Variants in KIT observed in about 807,000 individuals in gnomAD.
KIT encodes the protein mast/stem cell growth factor receptor Kit.
Under a neutral mutation model 105.7 loss-of-function variants are expected in KIT, and 16 were observed. The ratio of observed to expected loss-of-function variants is 0.15; its 90% CI spans 0.10 to 0.23. The LOEUF is 0.23. Ranked by LOEUF, KIT falls within the 10% of genes least tolerant of loss-of-function variation. The pLI is 1.00. For synonymous variants in KIT, 438 were observed against 441.1 expected, an observed-to-expected ratio of 0.99 and a Z score of 0.09; for missense variants, 858 against 1,213.8, an observed-to-expected ratio of 0.71 and a Z score of 4.36.
At chr4:54,674,315 A>G (rs1362397579) in intron 1 of KIT, among the ~76,000 whole-genome samples, 1 of 152,208 alleles carries the variant, frequency 6.6e-6, no homozygotes, top group Non-Finnish European at 1.5e-5. Context: ...TTGGACATAC[A>G]GGTGGCACAG....
intron 1 of KIT, among the ~76,000 whole-genome samples, chr4:54,664,497 T>A (rs1409038332): frequency 6.6e-6 from 1 of 152,192 alleles, no homozygotes; most frequent in African/African-American, 2.4e-5. Flanking sequence ...TCCAATAGTC[T>A]GACGAAGCGA....
At chr4:54,719,165 T>C (rs147459824) in intron 7 of KIT, among the ~76,000 whole-genome samples, 1 of 152,282 alleles carries the variant, frequency 6.6e-6, no homozygotes, top group Non-Finnish European at 1.5e-5. Flanking sequence ...GATTATAAAA[T>C]ATGGGCAAAT....
At chr4:54,693,650 T>G (rs1233975668) in intron 1 of KIT, among the ~76,000 whole-genome samples, 1 of 151,790 alleles carries the variant, frequency 6.6e-6, no homozygotes, top group Non-Finnish European at 1.5e-5. Flanking sequence ...CCTGAACTTG[T>G]GTGGCTCACT....
intron 6 of KIT, among the ~76,000 whole-genome samples, chr4:54,707,712 C>T (rs917014145): frequency 2.6e-5 from 4 of 152,172 alleles, no homozygotes; most frequent in Non-Finnish European, 5.9e-5. Context: ...TACACTAGAC[C>T]TCTCATTTGA....
At chr4:54,726,422 A>C (rs1722218261) in intron 9 of KIT, among the ~76,000 whole-genome samples, 1 of 152,244 alleles carries the variant, frequency 6.6e-6, no homozygotes, top group Non-Finnish European at 1.5e-5. Flanking sequence ...ATTTAAAATG[A>C]ATTATTTTAA....
In KIT at chr4:54,729,336, G is replaced by A. The variant is rs2109785840; in HGVS notation, c.1992G>A (p.Gly664=). Residue 664 remains glycine, a splice_region_variant and synonymous_variant, in exon 14 of 21, where the codon GGG becomes GGA. Coordinates refer to ENST00000288135, the MANE Select transcript of KIT (RefSeq NM_000222.3). ...TAACCTTTTCTTATGTGCTTTTAGG[G>A]CCCACCCTGGTCATTACAGAATATT... ...VNLLGACTIG[G]PTLVITEYCC... 6.2e-7 allele frequency: 1 copy of A among 1,613,332 alleles called. No homozygotes were observed. Among genetic ancestry groups the A allele is most frequent in the Non-Finnish European group, 8.5e-7 (1 of 1,179,638 alleles).
chr4:54,729,471 A>G lies in KIT; in HGVS notation c.2127A>G (p.Ser709=), dbSNP rs1367360445. 1.9e-6 allele frequency: 3 copies of G among 1,613,452 alleles called. No homozygotes were observed. The highest frequency in any genetic ancestry group is 2.2e-5 in the East Asian group (1 of 44,832). The part of the protein sequence containing the change: ...EAALYKNLLH[S]KESSCSDSTN... ...CACTTTATAAGAATCTTCTGCATTC[A>G]AAGGAGTCTTCCTGGTAAGACTGAT... The change falls in exon 14 of 21, where the codon TCA becomes TCG. Residue 709 remains serine (S), a synonymous_variant. Coordinates refer to ENST00000288135, the MANE Select transcript of KIT (RefSeq NM_000222.3).
intron 1 of KIT, among the ~76,000 whole-genome samples, chr4:54,678,897 T>C (rs1340829124): frequency 6.6e-6 from 1 of 152,208 alleles, no homozygotes; most frequent in Non-Finnish European, 1.5e-5. Context: ...TATATACATA[T>C]TTTTTTCTGA....
intron 4 of KIT, among the ~76,000 whole-genome samples, chr4:54,700,462 A>G (rs1720385642): frequency 6.6e-6 from 1 of 152,224 alleles, no homozygotes; most frequent in African/African-American, 2.4e-5. Flanking sequence ...AATTTTAGCT[A>G]GTTACTGAAA....
chr4:54,694,373 A>C (rs1036701957), intron 1 of KIT, among the ~76,000 whole-genome samples: 1 of 152,072 alleles, frequency 6.6e-6, no homozygotes. Flanking sequence ...TTTTAGAGAG[A>C]CAGAGTCTTA....
chr4:54,696,401 G>C (rs1308001328), intron 2 of KIT, among the ~76,000 whole-genome samples: 1 of 152,182 alleles, frequency 6.6e-6, no homozygotes, highest in Non-Finnish European at 1.5e-5. Context: ...CTTTTCAAGA[G>C]TAAGCATGCT....
At position 54,698,418 on chromosome 4, in the gene KIT, A is replaced by G. The variant is rs770362669; in HGVS notation, c.472A>G (p.Lys158Glu). The G allele has an allele frequency of 1.2e-6, 2 of 1,614,166 alleles. No individual in the cohort carries two copies. The highest frequency in any genetic ancestry group is 1.7e-6 in the Non-Finnish European group (2 of 1,180,026). The stretch of plus-strand genomic sequence containing the variant: ...GGGGTGCCAGGGGAAGCCTCTTCCC[A>G]AGGACTTGAGGTTTATTCCTGACCC... ...LKGCQGKPLPKDLRFIPDPKA... is the reference protein window; with the variant it reads ...LKGCQGKPLPEDLRFIPDPKA... The change falls in exon 3 of 21, where the codon AAG becomes GAG. Residue 158 changes from lysine to glutamate, a missense_variant. Transcript: ENST00000288135.
intron 9 of KIT, 110 bp downstream of exon 9, chr4:54,726,160 G>GCAT (rs1722206598): frequency 1.2e-6 from 1 of 842,226 alleles, no homozygotes; most frequent in African/African-American, 1.7e-5. Context: ...GGTAATACAT[G>GCAT]CATCACACCA....
At chr4:54,690,609 C>T (rs1244825800) in intron 1 of KIT, among the ~76,000 whole-genome samples, 1 of 152,114 alleles carries the variant, frequency 6.6e-6, no homozygotes, top group Non-Finnish European at 1.5e-5. Context: ...TAATATTAGC[C>T]TTAGCCAAAC....
intron 20 of KIT, 136 bp downstream of exon 20, chr4:54,737,416 T>C: frequency 1.4e-6 from 1 of 717,534 alleles, no homozygotes; most frequent in Non-Finnish European, 2.5e-6. Context: ...GGGCTTCAGG[T>C]AGGGGAAGTA....
chr4:54,720,080 G>T (rs1721767814), intron 7 of KIT, among the ~76,000 whole-genome samples: 1 of 152,084 alleles, frequency 6.6e-6, no homozygotes, highest in African/African-American at 2.4e-5. Context: ...TGCCCTGGGT[G>T]CTTCTCTTGC....
intron 6 of KIT, among the ~76,000 whole-genome samples, 159 bp downstream of exon 6, chr4:54,707,446 G>A (rs998735299): frequency 1.7e-4 from 26 of 152,126 alleles, no homozygotes; most frequent in Admixed American, 6.5e-4. Flanking sequence ...ATTCCATTTT[G>A]TTGTGTGTTT....
At chr4:54,700,179 A>T (rs1304055808) in intron 4 of KIT, among the ~76,000 whole-genome samples, 2 of 152,154 alleles carry the variant, frequency 1.3e-5, no homozygotes, top group Non-Finnish European at 2.9e-5. Context: ...AAGAATAGAG[A>T]GTCTCAATTA....
At chr4:54,709,609 G>A (rs760658354) in intron 7 of KIT, 70 bp downstream of exon 7, 1 of 915,728 alleles carries the variant, frequency 1.1e-6, no homozygotes, top group Non-Finnish European at 1.8e-6. Context: ...TGTAACAGCT[G>A]CAAGGACTCA....
Sources: allele counts gnomAD v4.1 joint callset (sites outside exome capture counted in the v4.1 genomes callset), GRCh38; gene constraint gnomAD v4.1.1; transcripts MANE v1.5; gene names NCBI Gene and HGNC (gene_info 2026-07-23, HGNC 2026-07-21).